Variants in RGPD2 observed in about 807,000 individuals in gnomAD.
RGPD2 encodes the protein RANBP2-like and GRIP domain-containing protein 2.
RGPD2 carries 2 observed loss-of-function variants against 36.0 expected under a neutral mutation model. That is an observed-to-expected ratio of 0.06 (90% CI 0.02 to 0.17). RGPD2 has a LOEUF of 0.17. Ranked by LOEUF, RGPD2 falls within the 10% of genes least tolerant of loss-of-function variation. RGPD2 has a pLI of 1.00. For missense variants in RGPD2, 40 were observed against 464.3 expected (o/e 0.09, Z 8.40); for synonymous variants, 19 against 163.8 (o/e 0.12, Z 6.75).
chr2:87,922,181 T>C, the RGPD2 span, among the ~76,000 whole-genome samples: 3 of 149,192 alleles, frequency 2.0e-5, no homozygotes, highest in Admixed American at 1.3e-4. Context: ...TAGTCCCAGC[T>C]ACTCAGGAGG....
At chr2:87,773,215 A>G (rs2104258320) in intron 21 of RGPD2, among the ~76,000 whole-genome samples, 1 of 110,874 alleles carries the variant, frequency 9.0e-6, no homozygotes, top group Middle Eastern at 4.3e-3. Context: ...AGAACGATAT[A>G]AAAAAGGTAG....
At chr2:87,897,918 A>G in the RGPD2 span, among the ~76,000 whole-genome samples, 1 of 151,814 alleles carries the variant, frequency 6.6e-6, no homozygotes, top group Non-Finnish European at 1.5e-5. Flanking sequence ...TTTTCAGATA[A>G]TACATTTCAA....
At chr2:87,915,483 G>A in the RGPD2 span, among the ~76,000 whole-genome samples, 3 of 122,360 alleles carry the variant, frequency 2.5e-5, no homozygotes, top group South Asian at 2.3e-4. Context: ...GTATATATAT[G>A]TGTGTATATA....
the RGPD2 span, among the ~76,000 whole-genome samples, chr2:87,940,024 G>C: frequency 6.6e-6 from 1 of 151,960 alleles, no homozygotes. Flanking sequence ...ATTAGTACTT[G>C]AAACCATTAC....
At chr2:87,915,591 C>CAT in the RGPD2 span, among the ~76,000 whole-genome samples, 3 of 141,682 alleles carry the variant, frequency 2.1e-5, 1 homozygote, top group Non-Finnish European at 4.6e-5. Flanking sequence ...TGTATATACA[C>CAT]ATATATATGT....
chr2:87,921,628 G>A, the RGPD2 span, among the ~76,000 whole-genome samples: 1 of 152,152 alleles, frequency 6.6e-6, no homozygotes, highest in Non-Finnish European at 1.5e-5. Context: ...TGGTATCCTG[G>A]CTGTCTATGC....
In RGPD2 at chr2:87,756,536, C is replaced by T; in HGVS notation, c.*856G>A. 1 of 324,866 alleles carries T rather than the reference C, an allele frequency of 3.1e-6. No homozygotes were observed. The highest frequency in any genetic ancestry group is 5.9e-6 in the Non-Finnish European group (1 of 169,166). The allele number at this position is 324,866 out of a possible 1,614,324, so 20.1% of individuals were successfully genotyped here. A position where few individuals can be genotyped will look rare whatever the true frequency, so the allele number is the denominator to read the frequency against. ...CTGTCTGATTCCACTAGAATGTGAGCTCTATGATGGCCAAGCCTCTGGCTG... is the reference window on the plus strand; with the variant it reads ...CTGTCTGATTCCACTAGAATGTGAGTTCTATGATGGCCAAGCCTCTGGCTG... On this transcript the variant is annotated 3_prime_UTR_variant, in exon 23 of 23. Coordinates refer to ENST00000398146, the MANE Select transcript of RGPD2 (RefSeq NM_001078170.3).
At chr2:87,986,627 C>G in the RGPD2 span, among the ~76,000 whole-genome samples, 1 of 151,814 alleles carries the variant, frequency 6.6e-6, no homozygotes, top group African/African-American at 2.4e-5. Context: ...CGCCTGTAAT[C>G]TAAGCACTTT....
At chr2:87,983,992 C>T in the RGPD2 span, among the ~76,000 whole-genome samples, 25 of 151,822 alleles carry the variant, frequency 1.6e-4, no homozygotes, top group African/African-American at 4.1e-4. Context: ...GGGGATTCTA[C>T]GCAGAGGCGT....
the RGPD2 span, among the ~76,000 whole-genome samples, chr2:87,886,294 T>C: frequency 6.6e-6 from 1 of 151,962 alleles, no homozygotes; most frequent in African/African-American, 2.4e-5. Context: ...CCCCTTTTCA[T>C]TGCAGTCTTC....
chr2:87,772,655 G>A (rs1241086763), intron 21 of RGPD2, among the ~76,000 whole-genome samples: 4 of 53,758 alleles, frequency 7.4e-5, no homozygotes, highest in Admixed American at 2.5e-4. Flanking sequence ...ACCAAGTGTT[G>A]GGCTATATGA....
the RGPD2 span, among the ~76,000 whole-genome samples, chr2:87,842,473 CAATAA>C: frequency 7.4e-5 from 11 of 149,012 alleles, no homozygotes; most frequent in Non-Finnish European, 1.6e-4. Context: ...GCTTCAAAGG[CAATAA>C]AATACCTAGG....
chr2:87,957,643 C>T, the RGPD2 span, among the ~76,000 whole-genome samples: 3 of 152,216 alleles, frequency 2.0e-5, no homozygotes, highest in African/African-American at 4.8e-5. Flanking sequence ...GGCCCCAGCT[C>T]TTAATAACAT....
At chr2:87,917,056 C>A in the RGPD2 span, among the ~76,000 whole-genome samples, 3 of 151,912 alleles carry the variant, frequency 2.0e-5, no homozygotes, top group East Asian at 1.9e-4. Flanking sequence ...CTGACACATG[C>A]AAATATCTAA....
At chr2:87,827,478 A>ATAAAG (rs1686854131), upstream of RGPD2, among the ~76,000 whole-genome samples, 1 of 141,822 alleles carries the variant, frequency 7.1e-6, no homozygotes, top group Admixed American at 7.1e-5. Flanking sequence ...AATTTGGATA[A>ATAAAG]TAAAGTACCT....
chr2:87,882,192 T>G, the RGPD2 span, among the ~76,000 whole-genome samples: 2 of 50,250 alleles, frequency 4.0e-5, no homozygotes, highest in African/African-American at 8.0e-5. Context: ...TGTCACACAG[T>G]TTTTTTTTTT....
chr2:87,883,737 T>C, the RGPD2 span, among the ~76,000 whole-genome samples: 1 of 152,214 alleles, frequency 6.6e-6, no homozygotes, highest in South Asian at 2.1e-4. Context: ...GACAAAGTGG[T>C]AAGTTCATAA....
chr2:87,903,419 G>A, the RGPD2 span, among the ~76,000 whole-genome samples: 2 of 152,248 alleles, frequency 1.3e-5, no homozygotes, highest in African/African-American at 2.4e-5. Context: ...TTTCTTACTC[G>A]TCTCTAGGCC....
chr2:87,978,953 G>A, the RGPD2 span, among the ~76,000 whole-genome samples: 2 of 151,212 alleles, frequency 1.3e-5, no homozygotes, highest in Admixed American at 6.6e-5. Flanking sequence ...TATGTCCACG[G>A]GCCGGGCATG....
Sources: allele counts gnomAD v4.1 joint callset (sites outside exome capture counted in the v4.1 genomes callset), GRCh38; gene constraint gnomAD v4.1.1; transcripts MANE v1.5; gene names NCBI Gene and HGNC (gene_info 2026-07-23, HGNC 2026-07-21).